SLC9A9: variants seen among roughly 807,000 people sequenced by gnomAD.
SLC9A9 encodes the protein sodium/hydrogen exchanger 9.
SLC9A9 carries 62 observed loss-of-function variants against 77.8 expected under a neutral mutation model. That is an observed-to-expected ratio of 0.80 (90% confidence interval 0.65 to 0.98). The LOEUF is 0.98. Ranked by LOEUF, SLC9A9 falls within the 50% of genes least tolerant of loss-of-function variation. The pLI is 0.00. For synonymous variants in SLC9A9, 320 were observed against 283.5 expected (o/e 1.13, Z -1.29); for missense variants, 775 against 774.9 (o/e 1.00, Z 0.00).
chr3:143,344,617 C>A (rs1020227456), intron 14 of SLC9A9: 1 of 152,256 alleles, frequency 6.6e-6, no homozygotes, highest in Admixed American at 6.5e-5. Flanking sequence ...TCCATTTGGA[C>A]CTTTTGAAAT....
chr3:143,846,938 G>C (rs528330882), intron 1 of SLC9A9, among the ~76,000 whole-genome samples: 4 of 152,054 alleles, frequency 2.6e-5, no homozygotes, highest in African/African-American at 9.6e-5. Context: ...ATTTTTAAAA[G>C]ACCCTCAGTA....
chr3:143,780,747 C>T (rs555769690), intron 4 of SLC9A9, among the ~76,000 whole-genome samples: 6 of 152,162 alleles, frequency 3.9e-5, no homozygotes, highest in Middle Eastern at 3.4e-3. Context: ...GATGCTGCCA[C>T]GAAAACTGGC....
intron 5 of SLC9A9, among the ~76,000 whole-genome samples, chr3:143,675,062 T>G (rs952277309): frequency 1.3e-5 from 2 of 152,160 alleles, no homozygotes; most frequent in Non-Finnish European, 2.9e-5. Context: ...ACTTTCAGAC[T>G]CTCCAAGTGA....
At chr3:143,414,343 T>C (rs1350777301) in intron 12 of SLC9A9, among the ~76,000 whole-genome samples, 1 of 152,248 alleles carries the variant, frequency 6.6e-6, no homozygotes, top group Non-Finnish European at 1.5e-5. Context: ...TGTATGTGTG[T>C]ACAAGCAAAT....
chr3:143,744,755 G>T (rs1381381440), intron 4 of SLC9A9, among the ~76,000 whole-genome samples: 2 of 152,152 alleles, frequency 1.3e-5, no homozygotes, highest in Admixed American at 6.5e-5. Flanking sequence ...TCAGGCAAAT[G>T]AATAATGATT....
chr3:143,562,519 A>G (rs2108647416), intron 8 of SLC9A9, among the ~76,000 whole-genome samples: 1 of 152,210 alleles, frequency 6.6e-6, no homozygotes. Flanking sequence ...AATTTTTTGA[A>G]TACAAAACTT....
chr3:143,492,120 G>A (rs547148366), intron 11 of SLC9A9, among the ~76,000 whole-genome samples: 40 of 151,550 alleles, frequency 2.6e-4, no homozygotes, highest in Non-Finnish European at 4.4e-4. Context: ...GTGAAACCCC[G>A]TCTCTACTAA....
intron 9 of SLC9A9, among the ~76,000 whole-genome samples, chr3:143,528,969 C>T (rs1191548423): frequency 6.6e-6 from 1 of 152,128 alleles, no homozygotes; most frequent in African/African-American, 2.4e-5. Flanking sequence ...CCATCAAGAG[C>T]ATTAACTCTA....
At chr3:143,685,083 A>G (rs1195336275) in intron 5 of SLC9A9, among the ~76,000 whole-genome samples, 4 of 152,066 alleles carry the variant, frequency 2.6e-5, no homozygotes, top group Non-Finnish European at 5.9e-5. Context: ...TAAAAATTTA[A>G]CTCAAGCCAC....
intron 6 of SLC9A9, among the ~76,000 whole-genome samples, chr3:143,626,132 A>G (rs1468452021): frequency 6.6e-6 from 1 of 152,194 alleles, no homozygotes; most frequent in Non-Finnish European, 1.5e-5. Context: ...GCTGGAGAGG[A>G]TGTGGAGAAA....
At chr3:143,446,640 T>G (rs2034848298) in intron 12 of SLC9A9, among the ~76,000 whole-genome samples, 1 of 152,140 alleles carries the variant, frequency 6.6e-6, no homozygotes, top group Non-Finnish European at 1.5e-5. Context: ...GATCCATTAG[T>G]GAACCATGAG....
intron 5 of SLC9A9, among the ~76,000 whole-genome samples, chr3:143,683,720 T>G (rs1025884581): frequency 2.0e-5 from 3 of 152,168 alleles, no homozygotes; most frequent in African/African-American, 7.2e-5. Context: ...TTAAAAATTA[T>G]GACCTCTCAT....
At chr3:143,677,200 C>T (rs534022493) in intron 5 of SLC9A9, among the ~76,000 whole-genome samples, 3 of 152,292 alleles carry the variant, frequency 2.0e-5, no homozygotes, top group Admixed American at 1.3e-4. Context: ...TGTGCCTATA[C>T]CTCACAAGTC....
At chr3:143,503,682 A>G (rs912816291) in intron 9 of SLC9A9, 18 of 407,580 alleles carry the variant, frequency 4.4e-5, no homozygotes, top group African/African-American at 3.5e-4. Context: ...TCCTGCAGCC[A>G]TCACACCATG....
chr3:143,486,156 A>G (rs1022936630), intron 11 of SLC9A9, among the ~76,000 whole-genome samples: 3 of 152,132 alleles, frequency 2.0e-5, no homozygotes, highest in Admixed American at 6.5e-5. Flanking sequence ...AATAAAAAAC[A>G]AAAACAAAAA....
At chr3:143,798,323 C>T (rs545623801) in intron 2 of SLC9A9, among the ~76,000 whole-genome samples, 69 of 152,302 alleles carry the variant, frequency 4.5e-4, no homozygotes, top group Middle Eastern at 3.4e-3. Flanking sequence ...GGATGCCTGC[C>T]TGATTATTCA....
intron 14 of SLC9A9, among the ~76,000 whole-genome samples, chr3:143,301,097 G>T (rs1301972074): frequency 6.6e-6 from 1 of 152,192 alleles, no homozygotes; most frequent in African/African-American, 2.4e-5. Context: ...TCATGTGTAT[G>T]TTTCCATATT....
intron 4 of SLC9A9, among the ~76,000 whole-genome samples, chr3:143,705,002 T>A (rs1933921507): frequency 1.4e-5 from 1 of 70,746 alleles, no homozygotes; most frequent in Non-Finnish European, 3.0e-5. Flanking sequence ...CAAATATCTA[T>A]CTATCTATCT....
At chr3:143,464,762 G>A (rs890950321) in intron 12 of SLC9A9, among the ~76,000 whole-genome samples, 2 of 152,162 alleles carry the variant, frequency 1.3e-5, no homozygotes, top group Non-Finnish European at 2.9e-5. Context: ...CTTGGGCTGG[G>A]GCTTAGCAAT....
Sources: allele counts gnomAD v4.1 joint callset (sites outside exome capture counted in the v4.1 genomes callset), GRCh38; gene constraint gnomAD v4.1.1; transcripts MANE v1.5; gene names NCBI Gene and HGNC (gene_info 2026-07-23, HGNC 2026-07-21).